ASGR2: variants seen among roughly 807,000 people sequenced by gnomAD.
The protein encoded by ASGR2 is C-type lectin domain family 4 member H2.
ASGR2 carries 34 observed loss-of-function variants against 32.3 expected under a neutral mutation model. The observed-to-expected ratio is 1.05, with a 90% confidence interval of 0.80 to 1.40. ASGR2 has a LOEUF of 1.40. Ranked by LOEUF, ASGR2 falls within the 40% of genes most tolerant of loss-of-function variation. ASGR2 has a pLI of 0.00. For missense variants in ASGR2, 385 were observed against 386.4 expected (o/e 1.00, Z 0.03); for synonymous variants, 143 against 150.0 (o/e 0.95, Z 0.34).
At chr17:7,110,492 C>T (rs1914484815) in intron 2 of ASGR2, among the ~76,000 whole-genome samples, 2 of 152,196 alleles carry the variant, frequency 1.3e-5, no homozygotes, top group Admixed American at 6.5e-5. Context: ...AGCCCAGCAA[C>T]GTGTCTGTAT....
intron 8 of ASGR2, 36 bp from the exon 9 acceptor site, chr17:7,101,776 G>C (rs1349166797): frequency 6.2e-7 from 1 of 1,603,422 alleles, no homozygotes; most frequent in East Asian, 2.2e-5. Context: ...CTCTGCCACG[G>C]TGGTGAGAAA....
chr17:7,111,635 A>G (rs4324181), intron 2 of ASGR2, among the ~76,000 whole-genome samples: 21,864 of 150,070 alleles, frequency 0.15, 1,990 homozygotes, highest in African/African-American at 0.24. Context: ...CGGCCTGGGC[A>G]ACAGAGCGAG....
chr17:7,103,871 G>A (rs542019386), intron 7 of ASGR2, among the ~76,000 whole-genome samples: 1 of 152,128 alleles, frequency 6.6e-6, no homozygotes, highest in African/African-American at 2.4e-5. Flanking sequence ...ATGTTGGTGT[G>A]CTGCACCCAT....
In ASGR2 at chr17:7,114,474, C is replaced by A; in HGVS notation, c.-71+141G>T. On this transcript the variant is annotated intron_variant, in intron 1 of 8. Coordinates refer to ENST00000691900, the MANE Select transcript of ASGR2 (RefSeq NM_001201352.2). This position sits in a 1 kb window ranked among gnomAD's most constrained non-coding sequence, Gnocchi z 4.5. Reference sequence around the variant, plus strand: ...TTCCCTTCTCAGGAGACCGCTTGGGCCTTGACCTGGCCAGGAGACCCCTCC... The same window carrying A: ...TTCCCTTCTCAGGAGACCGCTTGGGACTTGACCTGGCCAGGAGACCCCTCC... 7.4e-7 allele frequency: 1 copy of A among 1,357,172 alleles called. No homozygotes were observed. The highest frequency in any genetic ancestry group is 1.6e-5 in the South Asian group (1 of 62,248). 84.1% of individuals were successfully genotyped at this position (1,357,172 alleles called of 1,614,324 possible).
chr17:7,101,518 C>T lies in ASGR2; in HGVS notation c.*57G>A. On this transcript the variant is annotated 3_prime_UTR_variant, in exon 9 of 9. Coordinates refer to ENST00000691900, the MANE Select transcript of ASGR2 (RefSeq NM_001201352.2). ...TTCTTCCTTTCCTCAAAATCCTCAA[C>T]AGAGAAGCCAGAGCTGGGCAGGTGT... 6.3e-7 allele frequency: 1 copy of T among 1,576,176 alleles called. No homozygotes were observed. The highest frequency in any genetic ancestry group is 2.3e-5 in the East Asian group (1 of 44,378).
intron 2 of ASGR2, among the ~76,000 whole-genome samples, chr17:7,109,702 ACACT>A (rs1010352773): frequency 5.9e-5 from 9 of 152,084 alleles, no homozygotes; most frequent in Admixed American, 2.0e-4. Flanking sequence ...ACACACTCAC[ACACT>A]CACACATTGC....
In ASGR2 at chr17:7,108,743, C is replaced by G. The variant is rs761147169; in HGVS notation, c.241+29G>C. On this transcript the variant is annotated intron_variant, in intron 3 of 8. Coordinates refer to ENST00000691900, the MANE Select transcript of ASGR2 (RefSeq NM_001201352.2). The surrounding 1 kb of genome is among the most constrained non-coding windows in gnomAD (Gnocchi z 4.9). ...CCATGTCTCTTTCCCTACCCCTTGC[C>G]CATCCCTGCTGGCCCCCGTGACCCT... 1.2e-6 allele frequency: 2 copies of G among 1,614,016 alleles called. No individual in the cohort carries two copies. Among genetic ancestry groups the G allele is most frequent in the African/African-American group, 1.3e-5 (1 of 75,040 alleles).
intron 7 of ASGR2, 29 bp from the exon 8 acceptor site, chr17:7,102,225 T>G: frequency 1.1e-5 from 17 of 1,577,910 alleles, no homozygotes; most frequent in African/African-American, 2.7e-5. Flanking sequence ...AGGAAATTTC[T>G]AGTCTCTTGT....
intron 8 of ASGR2, 24 bp from the exon 9 acceptor site, chr17:7,101,764 G>A: frequency 6.2e-7 from 1 of 1,609,472 alleles, no homozygotes; most frequent in African/African-American, 1.3e-5. Flanking sequence ...AGAAAACTCG[G>A]ACTCTGCCAC....
Position 7,101,655 on chromosome 17 carries a change from G to C in ASGR2, c.841C>G (p.Arg281Gly). The C allele has an allele frequency of 6.2e-7, 1 of 1,614,194 alleles. No individual in the cohort carries two copies. Among genetic ancestry groups the C allele is most frequent in the East Asian group, 2.2e-5 (1 of 44,880 alleles). ...TGCAGGCAGAAGTCATCGTTCCAGC[G>C]GCCATCCGGCTGGACTTCAACACAG... ...EDCVEVQPDG[R>G]WNDDFCLQVY... The change falls in exon 9 of 9, where the codon CGC becomes GGC. Residue 281 changes from arginine (R) to glycine (G), a missense_variant. Physicochemically the swap from Arg to Gly is moderately radical, Grantham distance 125 (BLOSUM62 -2). Transcript: ENST00000691900.
At chr17:7,106,802 G>A (rs1247353020) in intron 7 of ASGR2, among the ~76,000 whole-genome samples, 198 bp downstream of exon 7, 1 of 152,004 alleles carries the variant, frequency 6.6e-6, no homozygotes, top group African/African-American at 2.4e-5. Flanking sequence ...ACTTTGGGAG[G>A]CCGAGGCAGG....
chr17:7,106,504 C>T (rs1214555878), intron 7 of ASGR2, among the ~76,000 whole-genome samples: 2 of 152,160 alleles, frequency 1.3e-5, no homozygotes, highest in African/African-American at 4.8e-5. Context: ...AAAATATGTT[C>T]GTACTCACAG....
At chr17:7,109,822 CCA>C (rs747055562) in intron 2 of ASGR2, among the ~76,000 whole-genome samples, 8 of 151,746 alleles carry the variant, frequency 5.3e-5, no homozygotes, top group Non-Finnish European at 7.4e-5. Flanking sequence ...ATACTCCCTC[CCA>C]CACACACACA....
At chr17:7,111,605 A>G (rs112232865) in intron 2 of ASGR2, among the ~76,000 whole-genome samples, 1,545 of 151,524 alleles carry the variant, frequency 0.01, 13 homozygotes, top group African/African-American at 0.022. Flanking sequence ...GCAGTGAGCC[A>G]AGATCGCGCC....
rs201700355 is a variant in ASGR2 at position 7,102,162 on chromosome 17, G to A, written c.683C>T (p.Thr228Ile). The A allele has an allele frequency of 3.7e-6, 6 of 1,614,172 alleles. No individual in the cohort carries two copies. The African/African-American group carries it at 8.0e-5, about 22-fold the overall frequency. ...FIVQHTNPFNTWIGLTDSDGS... is the reference protein window; with the variant it reads ...FIVQHTNPFNIWIGLTDSDGS... ...ATCACTGTCCGTGAGACCTATCCAG[G>A]TATTGAAGGGGTTCGTGTGTTGTAC... The change falls in exon 8 of 9, where the codon ACC becomes ATC. Residue 228 changes from threonine to isoleucine, a missense_variant. Thr to Ile is a moderately conservative substitution (Grantham distance 89). Coordinates refer to ENST00000691900, the MANE Select transcript of ASGR2 (RefSeq NM_001201352.2).
chr17:7,102,572 A>G (rs1010363896), intron 7 of ASGR2, among the ~76,000 whole-genome samples: 8 of 151,942 alleles, frequency 5.3e-5, no homozygotes, highest in Non-Finnish European at 8.8e-5. Context: ...CTTCATTCCC[A>G]GCTTATGGCT....
At chr17:7,111,731 G>A (rs1226504922) in intron 2 of ASGR2, among the ~76,000 whole-genome samples, 2 of 150,288 alleles carry the variant, frequency 1.3e-5, no homozygotes, top group Admixed American at 6.6e-5. Flanking sequence ...AAATGCGTAA[G>A]AAAAATTTAG....
At chr17:7,104,792 T>C (rs943381882) in intron 7 of ASGR2, among the ~76,000 whole-genome samples, 7 of 151,866 alleles carry the variant, frequency 4.6e-5, no homozygotes, top group Non-Finnish European at 1.0e-4. Context: ...CTGACCAACA[T>C]GGTGAAACCC....
chr17:7,102,229 C>A, intron 7 of ASGR2, 33 bp from the exon 8 acceptor site: 2 of 1,569,916 alleles, frequency 1.3e-6, no homozygotes, highest in South Asian at 2.2e-5. Context: ...AATTTCTAGT[C>A]TCTTGTGCCT....
Sources: allele counts gnomAD v4.1 joint callset (sites outside exome capture counted in the v4.1 genomes callset), GRCh38; gene constraint gnomAD v4.1.1; non-coding constraint Gnocchi (gnomAD v3.1); transcripts MANE v1.5; gene names NCBI Gene and HGNC (gene_info 2026-07-23, HGNC 2026-07-21).